Variants in RHBDL2 observed in about 807,000 individuals in gnomAD.
The protein encoded by RHBDL2 is rhomboid-related protein 2.
RHBDL2 carries 26 observed loss-of-function variants against 31.7 expected under a neutral mutation model. The observed-to-expected ratio is 0.82, with a 90% confidence interval of 0.60 to 1.14. The LOEUF is 1.14. RHBDL2 is among the 50% of genes most tolerant of loss of function. RHBDL2 has a pLI of 0.00. For synonymous variants in RHBDL2, 123 were observed against 127.2 expected (o/e 0.97, Z 0.22); for missense variants, 336 against 364.4 (o/e 0.92, Z 0.63).
intron 4 of RHBDL2, among the ~76,000 whole-genome samples, chr1:38,905,882 A>G (rs540135622): frequency 3.9e-5 from 6 of 152,012 alleles, no homozygotes; most frequent in Non-Finnish European, 7.4e-5. Context: ...CCTGGCCAAC[A>G]TAATGAAACC....
At chr1:38,937,611 A>C (rs895475840) in intron 1 of RHBDL2, among the ~76,000 whole-genome samples, 2 of 152,100 alleles carry the variant, frequency 1.3e-5, no homozygotes, top group Non-Finnish European at 2.9e-5. Flanking sequence ...CTAGTTTGAC[A>C]CACCCTCACT....
At chr1:38,925,861 G>A in intron 1 of RHBDL2, 1 of 814,688 alleles carries the variant, frequency 1.2e-6, no homozygotes, top group Non-Finnish European at 1.7e-6. Context: ...AGATATCCAG[G>A]CAGAGCAGTA....
Position 38,919,048 on chromosome 1 carries a change from G to T in RHBDL2, c.165C>A (p.Pro55=). ...CCAAGTATGTTCCTCGGGACTTTTC[G>T]GGCAGCATCCATTTTGAGACAATCC... ...VHRIVSKWML[P]EKSRGTYLER... is the part of the protein sequence containing the mutation. Residue 55 remains proline (P), a synonymous_variant, in exon 2 of 8, where the codon CCC becomes CCA. Coordinates refer to ENST00000372990, the MANE Select transcript of RHBDL2 (RefSeq NM_017821.5). 1 of 1,614,034 alleles carries T rather than the reference G, an allele frequency of 6.2e-7. No individual in the cohort carries two copies.
chr1:38,916,038 T>C (rs577141692), intron 2 of RHBDL2, among the ~76,000 whole-genome samples: 2 of 152,326 alleles, frequency 1.3e-5, no homozygotes, highest in South Asian at 4.1e-4. Flanking sequence ...GCCCTCATCG[T>C]CGCACCAACT....
intron 4 of RHBDL2, among the ~76,000 whole-genome samples, chr1:38,905,119 C>T (rs558166413): frequency 5.3e-5 from 8 of 151,928 alleles, no homozygotes; most frequent in Non-Finnish European, 8.8e-5. Context: ...AGGCCAGGCA[C>T]GGTGGCTCAC....
intron 1 of RHBDL2, among the ~76,000 whole-genome samples, chr1:38,927,182 C>T (rs563826473): frequency 6.6e-6 from 1 of 152,246 alleles, no homozygotes; most frequent in East Asian, 1.9e-4. Context: ...AATCCCAGCA[C>T]TTTGGAAGGC....
At chr1:38,917,784 G>A (rs1359345094) in intron 2 of RHBDL2, among the ~76,000 whole-genome samples, 2 of 152,180 alleles carry the variant, frequency 1.3e-5, no homozygotes, top group African/African-American at 2.4e-5. Flanking sequence ...AGCCATAAGA[G>A]GCTTGGTCCC....
At chr1:38,908,471 C>A (rs1197716962) in intron 4 of RHBDL2, among the ~76,000 whole-genome samples, 1 of 137,816 alleles carries the variant, frequency 7.3e-6, no homozygotes, top group Non-Finnish European at 1.5e-5. Flanking sequence ...GAGACTGCAC[C>A]ATTGCACTCC....
At chr1:38,929,415 C>T (rs775457851) in intron 1 of RHBDL2, 1 of 1,289,444 alleles carries the variant, frequency 7.8e-7, no homozygotes, top group Non-Finnish European at 1.0e-6. Flanking sequence ...TCGCCTCACC[C>T]AGGAAGGCCC....
chr1:38,929,238 T>C (rs1643413221), intron 1 of RHBDL2, among the ~76,000 whole-genome samples: 1 of 152,146 alleles, frequency 6.6e-6, no homozygotes, highest in Admixed American at 6.5e-5. Flanking sequence ...GAACGGAAGC[T>C]GTAGAGGAAG....
chr1:38,912,906 ATATATGTGTGTGTG>A (rs1188187471), intron 3 of RHBDL2, among the ~76,000 whole-genome samples: 3 of 34,132 alleles, frequency 8.8e-5, no homozygotes, highest in African/African-American at 2.2e-4. Flanking sequence ...ATATATATAT[ATATATGTGTGTGTG>A]TGTGTGTGTG....
rs538047573 is a variant in RHBDL2, at chr1:38,924,267, T to G, written c.-125-4930A>C. Among the ~76,000 whole-genome samples, 30 of 151,824 alleles carry G rather than the reference T, an allele frequency of 2.0e-4. No individual in the cohort carries two copies. The South Asian group carries it at 6.3e-3, about 32-fold the overall frequency. The stretch of plus-strand genomic sequence containing the variant: ...CCACAAGTATTCTCAAGAGGAAACA[T>G]AGAAAGATCCCACCTGGCCACAAGT... On this transcript the variant is annotated intron_variant, in intron 1 of 7. Transcript: ENST00000372990.
intron 1 of RHBDL2, among the ~76,000 whole-genome samples, chr1:38,940,633 A>G (rs1282608828): frequency 6.6e-6 from 1 of 152,176 alleles, no homozygotes; most frequent in Non-Finnish European, 1.5e-5. Flanking sequence ...AGGGAGAGGC[A>G]TGGCAAGAAG....
chr1:38,924,645 C>G (rs17559512), intron 1 of RHBDL2, among the ~76,000 whole-genome samples: 23,471 of 151,760 alleles, frequency 0.15, 2,384 homozygotes, highest in Non-Finnish European at 0.22. Context: ...CTGACTTTGC[C>G]TAGAATAAGC....
intron 4 of RHBDL2, among the ~76,000 whole-genome samples, chr1:38,907,967 A>G (rs1455708429): frequency 1.3e-5 from 2 of 152,158 alleles, no homozygotes; most frequent in Non-Finnish European, 2.9e-5. Context: ...AGACTGGGTG[A>G]AAATATTTAT....
intron 3 of RHBDL2, among the ~76,000 whole-genome samples, chr1:38,914,400 C>T (rs1224590967): frequency 6.6e-6 from 1 of 151,942 alleles, no homozygotes; most frequent in South Asian, 2.1e-4. Flanking sequence ...TGCCACCACG[C>T]CCAGCTAGTT....
intron 3 of RHBDL2, among the ~76,000 whole-genome samples, chr1:38,912,467 C>T (rs538186358): frequency 2.0e-5 from 3 of 151,836 alleles, no homozygotes; most frequent in East Asian, 3.9e-4. Flanking sequence ...TGCAGTGTCT[C>T]GATTTCGACT....
At chr1:38,924,202 G>C (rs3890197) in intron 1 of RHBDL2, among the ~76,000 whole-genome samples, 56,986 of 151,768 alleles carry the variant, frequency 0.38, 11,596 homozygotes, top group East Asian at 0.7. Flanking sequence ...TGCTTGACCT[G>C]TCAAAGCATT....
intron 6 of RHBDL2, 46 bp downstream of exon 6, chr1:38,893,118 T>C: frequency 8.9e-7 from 1 of 1,128,124 alleles, no homozygotes; most frequent in Non-Finnish European, 1.3e-6. Flanking sequence ...GTCTCTATAT[T>C]TTATTTTCAC....
Sources: gnomAD v4.1 joint callset for allele counts (sites outside exome capture counted in the v4.1 genomes callset) on GRCh38, gnomAD v4.1.1 for gene constraint, MANE v1.5 for transcripts, NCBI Gene and HGNC (gene_info 2026-07-23, HGNC 2026-07-21) for gene names.